Variants in DECR2 observed in about 807,000 individuals in gnomAD.
The protein encoded by DECR2 is peroxisomal 2,4-dienoyl-CoA reductase [(3E)-enoyl-CoA-producing].
In DECR2, 34 loss-of-function variants were observed where a neutral mutation model predicts 29.2. The ratio of observed to expected loss-of-function variants is 1.16; its 90% CI spans 0.89 to 1.55. The LOEUF (loss-of-function observed/expected upper bound fraction) is 1.55. Among genes scored for constraint, DECR2 ranks in the 40% most tolerant of loss-of-function variants. The probability of loss-of-function intolerance (pLI) is 0.00; values close to 1 mark genes in which losing one functional copy is unlikely to be tolerated. For synonymous variants in DECR2, 224 were observed against 182.7 expected (o/e 1.23, Z -1.82); for missense variants, 485 against 425.3 (o/e 1.14, Z -1.23).
At position 410,494 on chromosome 16, in the gene DECR2, G is replaced by GTGGGGGCCTTCCCCTGA. The variant is rs2054800589; in HGVS notation, c.462+127_462+128insTGGGGGCCTTCCCCTGA. The GTGGGGGCCTTCCCCTGA allele has an allele frequency of 3.6e-5, 48 of 1,333,284 alleles. No individual in the cohort carries two copies. The East Asian group carries it at 1.2e-3, about 33-fold the overall frequency. 82.6% of individuals were successfully genotyped at this position (1,333,284 alleles called of 1,614,324 possible). A position where few individuals can be genotyped will look rare whatever the true frequency, so the allele number is the denominator to read the frequency against. On this transcript the variant is annotated intron_variant, in intron 5 of 8. Transcript: ENST00000219481. The surrounding 1 kb of genome is among the most constrained non-coding windows in gnomAD (Gnocchi z 4.1). ...GTTCTTCCGGGTGGGTGTACTCCCA[G>GTGGGGGCCTTCCCCTGA]CGGGGGCCTCCCCCTGACGGCCGCC...
rs778089311 is a variant in DECR2, at chr16:411,482, G to A, written c.783G>A (p.Thr261=). The change falls in exon 8 of 9, where the codon ACG becomes ACA. Residue 261 remains threonine (T), a synonymous_variant. Transcript: ENST00000219481. ...CCAGCCCTCTGGCTTCCTACGTGACGGGGGCCGTGCTGGTGGCCGATGGCG... is the reference window on the plus strand; with the variant it reads ...CCAGCCCTCTGGCTTCCTACGTGACAGGGGCCGTGCTGGTGGCCGATGGCG... ...YLASPLASYV[T]GAVLVADGGA... is the part of the protein sequence containing the mutation. 10 of 1,613,822 alleles carry A rather than the reference G, an allele frequency of 6.2e-6. No individual in the cohort carries two copies. The South Asian group carries it at 6.6e-5, about 11-fold the overall frequency.
At chr16:408,229 G>A in intron 4 of DECR2, among the ~76,000 whole-genome samples, 1 of 138,076 alleles carries the variant, frequency 7.2e-6, no homozygotes, top group South Asian at 2.4e-4. Flanking sequence ...CCGGGCCTCT[G>A]TCTCCGGGCC....
chr16:405,327 C>T, intron 2 of DECR2: 1 of 551,532 alleles, frequency 1.8e-6, no homozygotes, highest in East Asian at 3.4e-5. Context: ...ACATTTTCTC[C>T]TGGGACACAA....
chr16:405,095 C>A, intron 2 of DECR2, 71 bp downstream of exon 2: 1 of 1,576,852 alleles, frequency 6.3e-7, no homozygotes, highest in Non-Finnish European at 8.7e-7. Context: ...TGCCCGACCC[C>A]TGGAAAGATG....
intron 1 of DECR2, 40 bp from the exon 2 acceptor site, chr16:404,916 A>G: frequency 6.2e-7 from 1 of 1,611,782 alleles, no homozygotes; most frequent in Non-Finnish European, 8.5e-7. Context: ...GGCCCGGCCC[A>G]ATAGGGCTCT....
intron 1 of DECR2, 45 bp downstream of exon 1, chr16:402,088 G>C: frequency 2.3e-6 from 3 of 1,302,466 alleles, no homozygotes; most frequent in Non-Finnish European, 2.9e-6. Context: ...TGCGGGGTCC[G>C]GTCCGCGGGC....
chr16:401,901 G>C lies in DECR2; in HGVS notation c.-63G>C, dbSNP rs920349403. On this transcript the variant is annotated 5_prime_UTR_variant, in exon 1 of 9. Transcript: ENST00000219481. ...GTTCCAGGCGAGTTCGCAGCTGCGC[G>C]CCGGGTCCTGGAGGCCGAGGCCGCT... 1.0e-5 allele frequency: 14 copies of C among 1,384,712 alleles called. No individual in the cohort carries two copies. In the African/African-American group the frequency reaches 2.1e-4, roughly 21 times the overall value. The allele number at this position is 1,384,712 out of a possible 1,614,324, so 85.8% of individuals were successfully genotyped here.
chr16:410,327 C>T lies in DECR2; in HGVS notation c.422C>T (p.Thr141Ile), dbSNP rs751223310. 1.2e-6 allele frequency: 2 copies of T among 1,613,116 alleles called. No homozygotes were observed. The highest frequency in any genetic ancestry group is 1.7e-5 in the Admixed American group (1 of 60,010). ...GTGATGGACATCGATACCAGCGGCA[C>T]CTTCAATGTGTCTCGTGTGCTCTAT... Reference protein sequence around the residue: ...KTVMDIDTSGTFNVSRVLYEK... With the variant: ...KTVMDIDTSGIFNVSRVLYEK... Residue 141 changes from threonine (T) to isoleucine (I), a missense_variant, in exon 5 of 9, where the codon ACC (threonine) becomes ATC (isoleucine). Thr to Ile is a moderately conservative substitution (Grantham distance 89, BLOSUM62 -1). Transcript: ENST00000219481. The surrounding 1 kb of genome is among the most constrained non-coding windows in gnomAD (Gnocchi z 4.1).
intron 7 of DECR2, 99 bp from the exon 8 acceptor site, chr16:411,262 C>T (rs916950104): frequency 3.0e-6 from 4 of 1,312,396 alleles, no homozygotes; most frequent in African/African-American, 2.9e-5. Flanking sequence ...TGACTGTGTC[C>T]TTGCTGTTCC....
chr16:406,343 C>T lies in DECR2; in HGVS notation c.150-3C>T. 1.9e-6 allele frequency: 3 copies of T among 1,606,668 alleles called. 1 individual carries two copies. Among genetic ancestry groups the T allele is most frequent in the South Asian group, 2.2e-5 (2 of 91,074 alleles). On this transcript the variant is annotated splice_polypyrimidine_tract_variant and splice_region_variant and intron_variant, in intron 2 of 8. Transcript: ENST00000219481. ...GCCCTCACACCTGCTTCTGGTTTTG[C>T]AGGCACGGCTGCCATACGGTGATTG...
At chr16:402,601 C>T (rs1043559439) in intron 1 of DECR2, among the ~76,000 whole-genome samples, 14 of 152,040 alleles carry the variant, frequency 9.2e-5, no homozygotes, top group African/African-American at 3.4e-4. Flanking sequence ...CCTCCCCGGT[C>T]ACCTGCCCTC....
intron 7 of DECR2, 77 bp downstream of exon 7, chr16:411,153 T>G: frequency 7.2e-7 from 1 of 1,382,544 alleles, no homozygotes; most frequent in Non-Finnish European, 9.6e-7. Flanking sequence ...TTCCAGAACC[T>G]TGGCAGGGTG....
intron 2 of DECR2, 120 bp from the exon 3 acceptor site, chr16:406,226 A>G (rs2054721811): frequency 1.1e-6 from 1 of 901,108 alleles, no homozygotes; most frequent in African/African-American, 3.6e-5. Flanking sequence ...GCCCTCTGCC[A>G]GCTGGGCCTT....
intron 1 of DECR2, among the ~76,000 whole-genome samples, 168 bp from the exon 2 acceptor site, chr16:404,788 C>A (rs958503866): frequency 2.0e-5 from 3 of 152,026 alleles, no homozygotes; most frequent in African/African-American, 7.2e-5. Flanking sequence ...CACCACCACG[C>A]CCAGCTGATT....
At chr16:407,742 CCCCATCTCCGGCCCCCTGTCTCCGGG>C (rs2054743803) in intron 4 of DECR2, among the ~76,000 whole-genome samples, 182 bp downstream of exon 4, 1 of 145,058 alleles carries the variant, frequency 6.9e-6, no homozygotes, top group African/African-American at 2.5e-5. Flanking sequence ...CTGTCTCCGG[CCCCATCTCCGGCCCCCTGTCTCCGGG>C]CCCCTGTCTC....
intron 4 of DECR2, 62 bp downstream of exon 4, chr16:407,622 C>T: frequency 6.3e-7 from 1 of 1,596,916 alleles, no homozygotes; most frequent in Non-Finnish European, 8.6e-7. Flanking sequence ...TTTGGAGGCC[C>T]TAGAACTCTG....
rs747567968 is a variant in DECR2 at position 401,963 on chromosome 16, C to T, written c.-1C>T. ...TCCCCGCAGTCCCCGACGGGAGCGCCATGGCCCAGCCGCCGCCCGACGTGG... is the reference window on the plus strand; with the variant it reads ...TCCCCGCAGTCCCCGACGGGAGCGCTATGGCCCAGCCGCCGCCCGACGTGG... On this transcript the variant is annotated 5_prime_UTR_variant, in exon 1 of 9. Transcript: ENST00000219481. The T allele has an allele frequency of 1.3e-6, 2 of 1,487,212 alleles. No homozygotes were observed. The highest frequency in any genetic ancestry group is 1.8e-6 in the Non-Finnish European group (2 of 1,126,320). The allele number at this position is 1,487,212 out of a possible 1,614,324, so 92.1% of individuals were successfully genotyped here.
At chr16:403,789 G>A (rs1381585311) in intron 1 of DECR2, among the ~76,000 whole-genome samples, 1 of 152,002 alleles carries the variant, frequency 6.6e-6, no homozygotes, top group African/African-American at 2.4e-5. Context: ...GAAGCAGGAG[G>A]ATCCTTCTAG....
rs573050301 is a variant in DECR2, at chr16:404,193, A to T, written c.81-763A>T. On this transcript the variant is annotated intron_variant, in intron 1 of 8. Transcript: ENST00000219481. ...ATCTCAAAAAAAATAAAAAATAAAT[A>T]AATAAATTAAATAAAATACTATAAT... Among the ~76,000 whole-genome samples the T allele has an allele frequency of 4.0e-5, 6 of 151,158 alleles. No individual in the cohort carries two copies. In the South Asian group the frequency reaches 1.2e-3, roughly 31 times the overall value.
Sources: gnomAD v4.1 joint callset for allele counts (sites outside exome capture counted in the v4.1 genomes callset) on GRCh38, gnomAD v4.1.1 for gene constraint, Gnocchi (gnomAD v3.1) non-coding constraint, MANE v1.5 for transcripts, NCBI Gene and HGNC (gene_info 2026-07-23, HGNC 2026-07-21) for gene names.